NPSR1: variants seen among roughly 807,000 people sequenced by gnomAD.
NPSR1 encodes the protein neuropeptide S receptor.
A neutral mutation model predicts 46.9 loss-of-function variants in NPSR1; 48 were observed. The ratio of observed to expected loss-of-function variants is 1.02; its 90% CI spans 0.81 to 1.30. NPSR1 has a LOEUF of 1.30. Ranked by LOEUF, NPSR1 falls within the 50% of genes most tolerant of loss-of-function variation. The probability of loss-of-function intolerance (pLI) is 0.00; values close to 1 mark genes in which losing one functional copy is unlikely to be tolerated. For missense variants in NPSR1, 450 were observed against 449.5 expected (o/e 1.00, Z -0.01); for synonymous variants, 176 against 168.1 (o/e 1.05, Z -0.36).
intron 2 of NPSR1, among the ~76,000 whole-genome samples, chr7:34,707,232 T>C (rs1794157289): frequency 6.6e-6 from 1 of 152,208 alleles, no homozygotes; most frequent in African/African-American, 2.4e-5. Flanking sequence ...CCAGAACTGA[T>C]CTGGTTCTAA....
At chr7:34,731,029 A>C (rs1322953295) in intron 2 of NPSR1, among the ~76,000 whole-genome samples, 1 of 152,182 alleles carries the variant, frequency 6.6e-6, no homozygotes, top group Non-Finnish European at 1.5e-5. Flanking sequence ...ATAGAAAAAG[A>C]TTTTTTAAGC....
At chr7:34,681,599 A>C (rs1792637888) in intron 1 of NPSR1, among the ~76,000 whole-genome samples, 1 of 152,290 alleles carries the variant, frequency 6.6e-6, no homozygotes, top group South Asian at 2.1e-4. Context: ...GCAGTGCCAA[A>C]GACATGTAGG....
intron 1 of NPSR1, among the ~76,000 whole-genome samples, chr7:34,666,992 T>C (rs1277791617): frequency 4.6e-5 from 7 of 152,252 alleles, no homozygotes; most frequent in Non-Finnish European, 7.3e-5. Flanking sequence ...CATTCACTTA[T>C]GTAATTTTAT....
At chr7:34,750,128 A>ATTTTT in intron 2 of NPSR1, 3 of 241,110 alleles carry the variant, frequency 1.2e-5, no homozygotes, top group South Asian at 5.7e-5. Flanking sequence ...TCGTGTATGT[A>ATTTTT]TTTTTTTTTT....
In NPSR1 at chr7:34,680,224, T is replaced by C. The variant is rs116701871; in HGVS notation, c.148-4328T>C. On this transcript the variant is annotated intron_variant, in intron 1 of 8. Coordinates refer to ENST00000360581, the MANE Select transcript of NPSR1 (RefSeq NM_207172.2). ...AGAAAATTATTTGCCATTGATATGA[T>C]AATCTCCACTAAAAATACAAAAGAC... 5.1e-3 allele frequency among the ~76,000 whole-genome samples: 770 copies of C among 152,278 alleles called. 6 individuals carry two copies. Among genetic ancestry groups the C allele is most frequent in the African/African-American group, 0.018 (746 of 41,580 alleles).
At chr7:34,861,362 T>C (rs1791187690) in intron 8 of NPSR1, among the ~76,000 whole-genome samples, 1 of 151,828 alleles carries the variant, frequency 6.6e-6, no homozygotes, top group Admixed American at 6.6e-5. Context: ...TCCAACATCC[T>C]TGCTTTCCTC....
intron 2 of NPSR1, among the ~76,000 whole-genome samples, chr7:34,754,294 C>T (rs75096000): frequency 2.0e-5 from 3 of 152,294 alleles, no homozygotes; most frequent in East Asian, 3.9e-4. Context: ...AATAGCCTGT[C>T]TCTAGACTCT....
intron 1 of NPSR1, among the ~76,000 whole-genome samples, chr7:34,675,820 C>T (rs577503714): frequency 6.6e-6 from 1 of 152,360 alleles, no homozygotes; most frequent in South Asian, 2.1e-4. Flanking sequence ...GCCAATCAGT[C>T]ATGTGCCAGC....
At chr7:34,796,975 A>G (rs950235366) in intron 3 of NPSR1, among the ~76,000 whole-genome samples, 3 of 152,186 alleles carry the variant, frequency 2.0e-5, no homozygotes, top group Non-Finnish European at 4.4e-5. Context: ...CATCCATACA[A>G]TGAAATATTA....
intron 2 of NPSR1, among the ~76,000 whole-genome samples, chr7:34,758,874 G>A (rs962576870): frequency 2.0e-5 from 3 of 152,132 alleles, no homozygotes; most frequent in African/African-American, 4.8e-5. Context: ...TGCCATGTAC[G>A]TTTAGTGTTC....
intron 2 of NPSR1, among the ~76,000 whole-genome samples, chr7:34,718,219 G>T (rs373504986): frequency 6.6e-6 from 1 of 152,038 alleles, no homozygotes; most frequent in East Asian, 1.9e-4. Flanking sequence ...AATGTAATAC[G>T]TTATGCTAAA....
At chr7:34,722,045 A>G (rs1783883626) in intron 2 of NPSR1, among the ~76,000 whole-genome samples, 2 of 152,004 alleles carry the variant, frequency 1.3e-5, no homozygotes, top group Admixed American at 6.6e-5. Flanking sequence ...AAGGAGGGGG[A>G]AAAGGAGGGG....
At chr7:34,760,135 T>C (rs1786092387) in intron 2 of NPSR1, among the ~76,000 whole-genome samples, 1 of 152,236 alleles carries the variant, frequency 6.6e-6, no homozygotes, top group Non-Finnish European at 1.5e-5. Flanking sequence ...GTCTTCATTT[T>C]AGATCTAGTT....
intron 2 of NPSR1, among the ~76,000 whole-genome samples, chr7:34,720,932 T>C (rs1028169299): frequency 6.6e-6 from 1 of 151,968 alleles, no homozygotes; most frequent in Non-Finnish European, 1.5e-5. Flanking sequence ...GTACACTTTA[T>C]ACCAAGAAAA....
At chr7:34,754,434 G>T (rs1193829656) in intron 2 of NPSR1, among the ~76,000 whole-genome samples, 1 of 151,406 alleles carries the variant, frequency 6.6e-6, no homozygotes, top group African/African-American at 2.4e-5. Flanking sequence ...GTGCACGCAA[G>T]TATCAGCTGA....
At chr7:34,869,533 A>C (rs1477185304) in intron 8 of NPSR1, among the ~76,000 whole-genome samples, 8 of 151,722 alleles carry the variant, frequency 5.3e-5, no homozygotes, top group Admixed American at 5.2e-4. Context: ...CACAACAATC[A>C]GTGTAAATCT....
intron 5 of NPSR1, among the ~76,000 whole-genome samples, chr7:34,831,190 G>A (rs1790100167): frequency 6.6e-6 from 1 of 152,042 alleles, no homozygotes; most frequent in Non-Finnish European, 1.5e-5. Context: ...ACACTAAACA[G>A]TTGGTGAATA....
chr7:34,856,825 A>G (rs1220944349), intron 8 of NPSR1, among the ~76,000 whole-genome samples: 1 of 151,650 alleles, frequency 6.6e-6, no homozygotes, highest in Non-Finnish European at 1.5e-5. Flanking sequence ...AGGAAACTTC[A>G]TGATTGAGAG....
At chr7:34,815,322 G>A (rs1423272325) in intron 4 of NPSR1, among the ~76,000 whole-genome samples, 1 of 152,194 alleles carries the variant, frequency 6.6e-6, no homozygotes, top group Non-Finnish European at 1.5e-5. Context: ...AAGGGTGTCA[G>A]TGATTGAAGA....
Sources: gnomAD v4.1 joint callset for allele counts (sites outside exome capture counted in the v4.1 genomes callset) on GRCh38, gnomAD v4.1.1 for gene constraint, MANE v1.5 for transcripts, NCBI Gene and HGNC (gene_info 2026-07-23, HGNC 2026-07-21) for gene names.